MFAP1: variants seen among roughly 807,000 people sequenced by gnomAD.
MFAP1 encodes the protein microfibril associated protein 1, also known as microfibrillar-associated protein 1.
In MFAP1, 18 loss-of-function variants were observed where a neutral mutation model predicts 62.2. The ratio of observed to expected loss-of-function variants is 0.29; its 90% CI spans 0.20 to 0.43. The LOEUF (loss-of-function observed/expected upper bound fraction) is 0.43, where lower values mean the gene tolerates loss of function less well. Among genes scored for constraint, MFAP1 ranks in the 20% least tolerant of loss-of-function variants. MFAP1 has a pLI of 1.00. For missense variants in MFAP1, 355 were observed against 559.7 expected, an observed-to-expected ratio of 0.63 and a Z score of 3.69; for synonymous variants, 175 against 180.4, an observed-to-expected ratio of 0.97 and a Z score of 0.24.
chr15:43,820,633 T>G (rs2087461685), intron 1 of MFAP1, among the ~76,000 whole-genome samples: 1 of 152,148 alleles, frequency 6.6e-6, no homozygotes, highest in Admixed American at 6.6e-5. Flanking sequence ...TGAGACAGGG[T>G]CTCACTCTGT....
chr15:43,807,103 C>A (rs2087370633), intron 7 of MFAP1, among the ~76,000 whole-genome samples: 1 of 151,998 alleles, frequency 6.6e-6, no homozygotes, highest in Admixed American at 6.6e-5. Flanking sequence ...GTAATCCCAG[C>A]ACTTTGGGAT....
At chr15:43,808,336 G>C (rs2087378451) in intron 7 of MFAP1, among the ~76,000 whole-genome samples, 1 of 152,136 alleles carries the variant, frequency 6.6e-6, no homozygotes, top group Non-Finnish European at 1.5e-5. Flanking sequence ...CCCTTGATAG[G>C]TGACACTACA....
chr15:43,820,160 A>G (rs2087458808), intron 1 of MFAP1, among the ~76,000 whole-genome samples: 1 of 151,980 alleles, frequency 6.6e-6, no homozygotes, highest in South Asian at 2.1e-4. Flanking sequence ...AAAACAAAAA[A>G]CCAAAAAATT....
At chr15:43,808,375 A>AT (rs2087378739) in intron 7 of MFAP1, among the ~76,000 whole-genome samples, 1 of 152,008 alleles carries the variant, frequency 6.6e-6, no homozygotes, top group South Asian at 2.1e-4. Flanking sequence ...TAATTTTTGT[A>AT]TTTTTTGTAG....
At chr15:43,822,431 T>G (rs1420945229) in intron 1 of MFAP1, among the ~76,000 whole-genome samples, 1 of 152,110 alleles carries the variant, frequency 6.6e-6, no homozygotes, top group Non-Finnish European at 1.5e-5. Context: ...TGGAGTGCAG[T>G]GGCATGATCT....
chr15:43,806,699 T>G (rs554011930), intron 7 of MFAP1, among the ~76,000 whole-genome samples: 2 of 151,776 alleles, frequency 1.3e-5, no homozygotes, highest in Admixed American at 6.6e-5. Flanking sequence ...ATGGTGAAAC[T>G]CTGTCTCTAC....
chr15:43,807,097 T>C (rs1379626949), intron 7 of MFAP1, among the ~76,000 whole-genome samples: 1 of 152,024 alleles, frequency 6.6e-6, no homozygotes, highest in Non-Finnish European at 1.5e-5. Context: ...ACGCCTGTAA[T>C]CCCAGCACTT....
At chr15:43,818,596 G>A (rs566298834) in intron 1 of MFAP1, among the ~76,000 whole-genome samples, 1 of 151,276 alleles carries the variant, frequency 6.6e-6, no homozygotes, top group Admixed American at 6.6e-5. Context: ...TTTGACCTTA[G>A]AAAATTAATG....
At chr15:43,823,411 C>T (rs2087479565) in intron 1 of MFAP1, among the ~76,000 whole-genome samples, 1 of 149,460 alleles carries the variant, frequency 6.7e-6, no homozygotes, top group South Asian at 2.1e-4. Context: ...GTGTCTCACA[C>T]TGTGGCCCAG....
chr15:43,809,642 T>C, intron 7 of MFAP1, 113 bp downstream of exon 7: 1 of 1,302,466 alleles, frequency 7.7e-7, no homozygotes, highest in African/African-American at 1.5e-5. Context: ...ATGAGAAAGC[T>C]GACCACTGGC....
chr15:43,805,032 T>C lies in MFAP1; in HGVS notation c.*62A>G. ...CCAAGGAAACAATGAAAAAACCAAA[T>C]CAAGGACCAGATGCTGAGACTCCCC... On this transcript the variant is annotated 3_prime_UTR_variant, in exon 9 of 9. Transcript: ENST00000267812. The C allele has an allele frequency of 4.0e-6, 6 of 1,491,430 alleles. No individual in the cohort carries two copies. Among genetic ancestry groups the C allele is most frequent in the Non-Finnish European group, 5.4e-6 (6 of 1,110,108 alleles). 92.4% of individuals were successfully genotyped at this position (1,491,430 alleles called of 1,614,324 possible). A position where few individuals can be genotyped will look rare whatever the true frequency, so the allele number is the denominator to read the frequency against.
chr15:43,811,030 C>T (rs1486682085), intron 6 of MFAP1, among the ~76,000 whole-genome samples: 1 of 149,844 alleles, frequency 6.7e-6, no homozygotes, highest in Non-Finnish European at 1.5e-5. Flanking sequence ...GTTGGGATTA[C>T]AGGCGTGAGC....
At chr15:43,822,228 T>C (rs2087471116) in intron 1 of MFAP1, among the ~76,000 whole-genome samples, 3 of 142,934 alleles carry the variant, frequency 2.1e-5, no homozygotes, top group East Asian at 4.1e-4. Context: ...AAGCCCAGCA[T>C]CACTAGTAAT....
intron 6 of MFAP1, among the ~76,000 whole-genome samples, chr15:43,810,397 T>C (rs2087391508): frequency 6.6e-6 from 1 of 151,828 alleles, no homozygotes; most frequent in Admixed American, 6.6e-5. Context: ...GATGGAGTCT[T>C]GCTCTGTCGC....
chr15:43,813,322 T>A lies in MFAP1; in HGVS notation c.653A>T (p.Glu218Val). The A allele has an allele frequency of 3.1e-6, 5 of 1,610,898 alleles. No individual in the cohort carries two copies. Among genetic ancestry groups the A allele is most frequent in the Non-Finnish European group, 4.2e-6 (5 of 1,179,276 alleles). The change falls in exon 5 of 9, where the codon GAA (glutamate) becomes GTA (valine). Residue 218 changes from glutamate (E) to valine (V), a missense_variant. This residue lies in a region of MFAP1 where 257 missense variants were observed against 341.3 expected (regional missense o/e 0.75). Transcript: ENST00000267812. ...CTCCAGCTCCTTCTGTTTCAATGCT[T>A]CGGCTTCACGTTCTTGAACTGTCAC... ...DRVTVQEREA[E>V]ALKQKELEQE...
intron 6 of MFAP1, among the ~76,000 whole-genome samples, chr15:43,810,576 C>T (rs527762945): frequency 6.6e-6 from 1 of 151,776 alleles, no homozygotes; most frequent in Non-Finnish European, 1.5e-5. Context: ...ACCGTGTTAG[C>T]CAGGATGGTC....
Position 43,815,084 on chromosome 15 carries a change from A to G in MFAP1, c.300-10T>C, listed in dbSNP as rs2087425645. 1 of 1,613,850 alleles carries G rather than the reference A, an allele frequency of 6.2e-7. No homozygotes were observed. Among genetic ancestry groups the G allele is most frequent in the African/African-American group, 1.3e-5 (1 of 74,930 alleles). On this transcript the variant is annotated splice_polypyrimidine_tract_variant and intron_variant, in intron 2 of 8. Coordinates refer to ENST00000267812, the MANE Select transcript of MFAP1 (RefSeq NM_005926.3). ...TCGATGTCGAGCCAATCTGAAAAAC[A>G]GTATCTCCAAATGTAACACCAATGT...
intron 6 of MFAP1, among the ~76,000 whole-genome samples, chr15:43,810,800 A>C (rs920503468): frequency 2.0e-5 from 3 of 151,946 alleles, no homozygotes; most frequent in Non-Finnish European, 2.9e-5. Context: ...TCTGTTGCCC[A>C]GGCTGGAGTG....
chr15:43,824,435 T>C, intron 1 of MFAP1, 56 bp downstream of exon 1: 2 of 1,586,802 alleles, frequency 1.3e-6, no homozygotes, highest in Non-Finnish European at 1.7e-6. Flanking sequence ...GGTCTGGAGG[T>C]TGCTGGGGCC....
Sources: gnomAD v4.1 joint callset for allele counts (sites outside exome capture counted in the v4.1 genomes callset) on GRCh38, gnomAD v4.1.1 for gene constraint, gnomAD v4.1.1 regional missense constraint, MANE v1.5 for transcripts, NCBI Gene and HGNC (gene_info 2026-07-23, HGNC 2026-07-21) for gene names.